LRRTM4: variants seen among roughly 807,000 people sequenced by gnomAD.
LRRTM4 encodes leucine-rich repeat transmembrane neuronal protein 4.
Under a neutral mutation model 47.6 loss-of-function variants are expected in LRRTM4, and 25 were observed. The observed-to-expected ratio is 0.53, with a 90% CI of 0.38 to 0.73. LRRTM4 has a LOEUF of 0.73. LRRTM4 is among the 30% of genes least tolerant of loss of function. LRRTM4 has a pLI of 0.00. For synonymous variants in LRRTM4, 311 were observed against 269.5 expected (o/e 1.15, Z -1.51); for missense variants, 638 against 713.4 (o/e 0.89, Z 1.20).
intron 3 of LRRTM4, among the ~76,000 whole-genome samples, chr2:77,346,278 C>T (rs1423210485): frequency 6.6e-6 from 1 of 151,936 alleles, no homozygotes; most frequent in Non-Finnish European, 1.5e-5. Context: ...ATGGAACTGC[C>T]ATATCTCCCA....
chr2:77,438,169 T>C (rs1675677682), intron 3 of LRRTM4, among the ~76,000 whole-genome samples: 1 of 152,150 alleles, frequency 6.6e-6, no homozygotes, highest in South Asian at 2.1e-4. Context: ...ATAAAAGTTA[T>C]GTTTTTCAGT....
chr2:76,948,246 G>T (rs1167582004), intron 3 of LRRTM4, among the ~76,000 whole-genome samples: 3 of 151,826 alleles, frequency 2.0e-5, no homozygotes, highest in Non-Finnish European at 4.4e-5. Flanking sequence ...AGATAGAAGT[G>T]ATGACAAATT....
At chr2:76,789,325 T>A (rs1192991074) in intron 3 of LRRTM4, among the ~76,000 whole-genome samples, 1 of 152,160 alleles carries the variant, frequency 6.6e-6, no homozygotes, top group Non-Finnish European at 1.5e-5. Context: ...ATTCTCCACT[T>A]CCATGTTCCA....
chr2:77,358,444 G>A (rs971196736), intron 3 of LRRTM4, among the ~76,000 whole-genome samples: 2 of 152,046 alleles, frequency 1.3e-5, no homozygotes, highest in Admixed American at 1.3e-4. Flanking sequence ...GAAGAGCATG[G>A]CACCAAGCCA....
intron 3 of LRRTM4, among the ~76,000 whole-genome samples, chr2:77,442,608 A>T (rs1373249621): frequency 1.3e-5 from 2 of 152,200 alleles, no homozygotes; most frequent in Admixed American, 6.5e-5. Context: ...ACAAGATCTT[A>T]GTATGTGTTA....
At chr2:77,386,239 G>C (rs1300014831) in intron 3 of LRRTM4, among the ~76,000 whole-genome samples, 2 of 152,132 alleles carry the variant, frequency 1.3e-5, no homozygotes, top group Admixed American at 6.6e-5. Context: ...ACACAAATAA[G>C]AGTGGCTGAT....
intron 3 of LRRTM4, among the ~76,000 whole-genome samples, chr2:77,384,380 ATC>A (rs1673181809): frequency 6.6e-6 from 1 of 151,954 alleles, no homozygotes; most frequent in Non-Finnish European, 1.5e-5. Context: ...AAAACTCAAT[ATC>A]TCAATATTTC....
chr2:77,411,451 C>CT (rs138496739), intron 3 of LRRTM4, among the ~76,000 whole-genome samples: 4,794 of 116,004 alleles, frequency 0.041, 214 homozygotes, highest in Non-Finnish European at 0.048. Context: ...TCTCTTTCTT[C>CT]TTTTTTTTTT....
At position 77,287,279 on chromosome 2, in the gene LRRTM4, G is replaced by C. The variant is rs116603305; in HGVS notation, c.1551+231039C>G. 4.4e-3 allele frequency among the ~76,000 whole-genome samples: 675 copies of C among 152,100 alleles called. 2 individuals carry two copies. Among genetic ancestry groups the C allele is most frequent in the African/African-American group, 0.015 (635 of 41,522 alleles). ...ACCTTGTGTTGTTTTAGAACTTAGA[G>C]AATGGAGCAAGGCATGGGGAAAAAT... On this transcript the variant is annotated intron_variant, in intron 3 of 3. Transcript: ENST00000409884.
At chr2:76,980,233 A>G (rs755128888) in intron 3 of LRRTM4, among the ~76,000 whole-genome samples, 1 of 152,122 alleles carries the variant, frequency 6.6e-6, no homozygotes, top group Non-Finnish European at 1.5e-5. Context: ...TGGAGAAAGT[A>G]GTCTGATGAC....
rs1443756795 is a variant in LRRTM4 at position 76,899,350 on chromosome 2, CACAT to C, written c.1552-150438_1552-150435del. ...ACACACACACACACACACACACACA[CACAT>C]ATATATATATAAACTATATTTTATA... is the stretch of plus-strand genomic sequence containing the variant. On this transcript the variant is annotated intron_variant, in intron 3 of 3. Coordinates refer to ENST00000409884, the MANE Select transcript of LRRTM4 (RefSeq NM_001134745.3). Among the ~76,000 whole-genome samples, 160 of 131,442 alleles carry C rather than the reference CACAT, an allele frequency of 1.2e-3. 1 individual carries two copies. Among genetic ancestry groups the C allele is most frequent in the African/African-American group, 4.2e-3 (125 of 29,746 alleles). 86.2% of individuals were successfully genotyped at this position (131,442 alleles called of 152,430 possible). A position where few individuals can be genotyped will look rare whatever the true frequency, so the allele number is the denominator to read the frequency against.
intron 3 of LRRTM4, among the ~76,000 whole-genome samples, chr2:77,381,610 TGAA>T (rs2103792939): frequency 6.6e-6 from 1 of 152,152 alleles, no homozygotes; most frequent in East Asian, 1.9e-4. Context: ...CTTCATATGA[TGAA>T]GATTTTAAAA....
At chr2:77,343,160 C>T (rs1259028483) in intron 3 of LRRTM4, among the ~76,000 whole-genome samples, 1 of 151,926 alleles carries the variant, frequency 6.6e-6, no homozygotes, top group Non-Finnish European at 1.5e-5. Flanking sequence ...TTAGCTAGCT[C>T]ATTGAGTTTC....
At chr2:76,919,386 G>A (rs1389091812) in intron 3 of LRRTM4, among the ~76,000 whole-genome samples, 1 of 152,124 alleles carries the variant, frequency 6.6e-6, no homozygotes, top group African/African-American at 2.4e-5. Context: ...AAAGAAAAAT[G>A]AGGCAGAATA....
At chr2:76,786,591 A>G (rs1386728837) in intron 3 of LRRTM4, among the ~76,000 whole-genome samples, 1 of 152,148 alleles carries the variant, frequency 6.6e-6, no homozygotes, top group Non-Finnish European at 1.5e-5. Context: ...AAACAGAGGA[A>G]GAAAACCAAA....
Position 77,002,365 on chromosome 2 carries a change from A to G in LRRTM4, c.1552-253449T>C, listed in dbSNP as rs987327462. Among the ~76,000 whole-genome samples, 5 of 152,100 alleles carry G rather than the reference A, an allele frequency of 3.3e-5. No homozygotes were observed. The South Asian group carries it at 6.2e-4, about 19-fold the overall frequency. On this transcript the variant is annotated intron_variant, in intron 3 of 3. Transcript: ENST00000409884. The stretch of plus-strand genomic sequence containing the variant: ...ATGAGAGTCATGTGGTAGATGCCCA[A>G]TTCTTGGCTAGAGGAAGTCATTTTT...
At chr2:77,070,417 T>C (rs1437813452) in intron 3 of LRRTM4, among the ~76,000 whole-genome samples, 2 of 152,096 alleles carry the variant, frequency 1.3e-5, no homozygotes, top group Non-Finnish European at 2.9e-5. Context: ...TCTATATATA[T>C]ATTTTAAAGA....
intron 3 of LRRTM4, among the ~76,000 whole-genome samples, chr2:76,868,901 C>T (rs1672541354): frequency 6.6e-6 from 1 of 152,060 alleles, no homozygotes; most frequent in Admixed American, 6.5e-5. Context: ...CCTTTCCTGG[C>T]CACCCTATTA....
intron 3 of LRRTM4, among the ~76,000 whole-genome samples, chr2:77,149,001 G>A (rs1672345776): frequency 6.6e-6 from 1 of 152,024 alleles, no homozygotes; most frequent in Admixed American, 6.6e-5. Flanking sequence ...TTAATCTGCA[G>A]TCCAAAAACT....
Sources: allele counts gnomAD v4.1 joint callset (sites outside exome capture counted in the v4.1 genomes callset), GRCh38; gene constraint gnomAD v4.1.1; transcripts MANE v1.5; gene names NCBI Gene and HGNC (gene_info 2026-07-23, HGNC 2026-07-21).